The following CHRNA7 variants were observed in gnomAD, a reference collection of about 807,000 sequenced individuals.
The protein encoded by CHRNA7 is neuronal acetylcholine receptor subunit alpha-7.
In CHRNA7, 17 loss-of-function variants were observed where a neutral mutation model predicts 48.0. That is an observed-to-expected ratio of 0.35 (90% CI 0.24 to 0.53). CHRNA7 has a LOEUF of 0.53. Among genes scored for constraint, CHRNA7 ranks in the 20% least tolerant of loss-of-function variants. CHRNA7 has a pLI of 0.92. For synonymous variants in CHRNA7, 75 were observed against 242.3 expected (o/e 0.31, Z 6.41); for missense variants, 155 against 577.7 (o/e 0.27, Z 7.50).
rs185554452 is a variant in CHRNA7, at chr15:32,066,790, A to C, written c.196-34513A>C. Among the ~76,000 whole-genome samples the C allele has an allele frequency of 3.4e-3, 516 of 152,340 alleles. 3 individuals are homozygous for C. The highest frequency in any genetic ancestry group is 0.012 in the African/African-American group (485 of 41,572). Reference sequence around the variant, plus strand: ...CAATGCAGTAAACACTGTCTAAAACACTAAAGGAAAGTATAAGAATATCTC... The same window carrying C: ...CAATGCAGTAAACACTGTCTAAAACCCTAAAGGAAAGTATAAGAATATCTC... On this transcript the variant is annotated intron_variant, in intron 2 of 9. Coordinates refer to ENST00000306901, the MANE Select transcript of CHRNA7 (RefSeq NM_000746.6).
Position 32,131,279 on chromosome 15 carries a change from T to C in CHRNA7, c.350+19380T>C, listed in dbSNP as rs556819960. Among the ~76,000 whole-genome samples, 300 of 152,310 alleles carry C rather than the reference T, an allele frequency of 2.0e-3. 1 individual carries two copies. Among genetic ancestry groups the C allele is most frequent in the African/African-American group, 7.1e-3 (294 of 41,582 alleles). ...TCAAACATTTTTCATTCTCATTTTCTTTCTCTTCTTTTTCTGAGACTCTCA... is the reference window on the plus strand; with the variant it reads ...TCAAACATTTTTCATTCTCATTTTCCTTCTCTTCTTTTTCTGAGACTCTCA... On this transcript the variant is annotated intron_variant, in intron 4 of 9. Transcript: ENST00000306901.
At chr15:32,064,260 C>T (rs2049926659) in intron 2 of CHRNA7, among the ~76,000 whole-genome samples, 1 of 151,524 alleles carries the variant, frequency 6.6e-6, no homozygotes, top group Non-Finnish European at 1.5e-5. Flanking sequence ...CCTTTCCCTT[C>T]CCCTTCTTCT....
rs566229201 is a variant in CHRNA7, at chr15:32,048,845, A to G, written c.195+17808A>G. Among the ~76,000 whole-genome samples the G allele has an allele frequency of 2.7e-4, 41 of 151,626 alleles. No individual in the cohort carries two copies. In the South Asian group the frequency reaches 8.6e-3, roughly 32 times the overall value. The stretch of plus-strand genomic sequence containing the variant: ...TCCCTGTAGACACTGCTTTGAATGC[A>G]TCCCAGAGATTCTGGTATGTTGTGT... On this transcript the variant is annotated intron_variant, in intron 2 of 9. Coordinates refer to ENST00000306901, the MANE Select transcript of CHRNA7 (RefSeq NM_000746.6).
intron 2 of CHRNA7, among the ~76,000 whole-genome samples, chr15:32,066,049 C>G (rs1347186197): frequency 6.6e-6 from 1 of 152,258 alleles, no homozygotes; most frequent in Non-Finnish European, 1.5e-5. Flanking sequence ...TGCTCCAGCA[C>G]ACAGATGCAG....
At chr15:32,068,818 A>G (rs2050008001) in intron 2 of CHRNA7, among the ~76,000 whole-genome samples, 1 of 152,204 alleles carries the variant, frequency 6.6e-6, no homozygotes, top group East Asian at 1.9e-4. Flanking sequence ...CACAATTATA[A>G]ATACATATGA....
intron 4 of CHRNA7, among the ~76,000 whole-genome samples, chr15:32,139,639 T>G (rs1320189884): frequency 6.6e-6 from 1 of 152,160 alleles, no homozygotes; most frequent in Non-Finnish European, 1.5e-5. Flanking sequence ...TCTATGTGCT[T>G]CTTTGCCATC....
At chr15:32,060,610 A>G (rs142076140) in intron 2 of CHRNA7, among the ~76,000 whole-genome samples, 126 of 152,300 alleles carry the variant, frequency 8.3e-4, no homozygotes, top group African/African-American at 2.9e-3. Flanking sequence ...CAGAAACCCA[A>G]TCTTATCCGT....
At chr15:32,113,699 A>G (rs577575826) in intron 4 of CHRNA7, among the ~76,000 whole-genome samples, 1 of 152,310 alleles carries the variant, frequency 6.6e-6, no homozygotes, top group East Asian at 1.9e-4. Context: ...AGGCAGAATG[A>G]TGAGGATTCC....
chr15:32,048,120 G>A (rs2049589164), intron 2 of CHRNA7, among the ~76,000 whole-genome samples: 1 of 152,178 alleles, frequency 6.6e-6, no homozygotes, highest in South Asian at 2.1e-4. Flanking sequence ...AGGGATATTG[G>A]TCTAAAATTC....
intron 4 of CHRNA7, among the ~76,000 whole-genome samples, chr15:32,145,176 A>G (rs530488184): frequency 6.6e-6 from 1 of 152,220 alleles, no homozygotes; most frequent in South Asian, 2.1e-4. Context: ...AAGGCCCCTC[A>G]GCTGCAGGTC....
intron 2 of CHRNA7, among the ~76,000 whole-genome samples, chr15:32,079,657 A>G (rs1425306077): frequency 6.6e-6 from 1 of 152,200 alleles, no homozygotes; most frequent in Non-Finnish European, 1.5e-5. Flanking sequence ...GATACAAACA[A>G]ATGGAAAAGC....
chr15:32,064,482 A>AGTGTGT (rs5811677), intron 2 of CHRNA7, among the ~76,000 whole-genome samples: 2,668 of 150,592 alleles, frequency 0.018, 25 homozygotes, highest in South Asian at 0.026. Context: ...GTGTGTGTGT[A>AGTGTGT]GTGTGTGTGT....
chr15:32,114,034 A>G (rs1186011582), intron 4 of CHRNA7, among the ~76,000 whole-genome samples: 1 of 94,254 alleles, frequency 1.1e-5, no homozygotes, highest in South Asian at 4.0e-4. Flanking sequence ...ATATATATAT[A>G]TATATATATG....
chr15:32,092,909 T>G (rs1372590878), intron 2 of CHRNA7, among the ~76,000 whole-genome samples: 1 of 152,212 alleles, frequency 6.6e-6, no homozygotes, highest in East Asian at 1.9e-4. Context: ...TTGTTGCAGC[T>G]AGCTTTTTGA....
At chr15:32,079,773 A>G (rs2050187413) in intron 2 of CHRNA7, among the ~76,000 whole-genome samples, 3 of 122,990 alleles carry the variant, frequency 2.4e-5, no homozygotes. Flanking sequence ...GACATTCTTC[A>G]CAAAATTAGA....
intron 2 of CHRNA7, among the ~76,000 whole-genome samples, chr15:32,036,470 T>C (rs900940044): frequency 6.6e-6 from 1 of 152,200 alleles, no homozygotes; most frequent in African/African-American, 2.4e-5. Context: ...TGCTGGTTCG[T>C]ATGCTAAGAG....
intron 4 of CHRNA7, among the ~76,000 whole-genome samples, chr15:32,122,798 G>A (rs1228631249): frequency 6.6e-6 from 1 of 150,958 alleles, no homozygotes; most frequent in South Asian, 2.1e-4. Flanking sequence ...AGCTAAGCAG[G>A]GTGAATAAAA....
chr15:32,049,621 T>C (rs1165451496), intron 2 of CHRNA7, among the ~76,000 whole-genome samples: 1 of 152,230 alleles, frequency 6.6e-6, no homozygotes, highest in Non-Finnish European at 1.5e-5. Flanking sequence ...CTGTGTCTTT[T>C]AATTGGAGCA....
At position 32,056,824 on chromosome 15, in the gene CHRNA7, A is replaced by T. The variant is rs115569895; in HGVS notation, c.195+25787A>T. 2.9e-3 allele frequency among the ~76,000 whole-genome samples: 441 copies of T among 152,338 alleles called. 7 individuals are homozygous for T. Among genetic ancestry groups the T allele is most frequent in the African/African-American group, 0.01 (427 of 41,574 alleles). On this transcript the variant is annotated intron_variant, in intron 2 of 9. Transcript: ENST00000306901. ...GAAATTAAAATGCCTTTAATTAAAT[A>T]TCTTCAGTATGGATGTTCTTATTTT...
Sources: allele counts gnomAD v4.1 joint callset (sites outside exome capture counted in the v4.1 genomes callset), GRCh38; gene constraint gnomAD v4.1.1; transcripts MANE v1.5; gene names NCBI Gene and HGNC (gene_info 2026-07-23, HGNC 2026-07-21).